The following XPO1 variants were observed in gnomAD, a reference collection of about 807,000 sequenced individuals.
XPO1 encodes exportin 1.
XPO1 carries 5 observed loss-of-function variants against 133.3 expected under a neutral mutation model. That is an observed-to-expected ratio of 0.04 (90% CI 0.02 to 0.08). XPO1 has a LOEUF of 0.08. XPO1 is among the 10% of genes least tolerant of loss of function. The pLI, the probability that XPO1 is intolerant of heterozygous loss-of-function variation, is 1.00. For synonymous variants in XPO1, 419 were observed against 408.2 expected (o/e 1.03, Z -0.32); for missense variants, 506 against 1,267.5 (o/e 0.40, Z 9.12).
At chr2:61,505,610 G>C (rs1019029016) in intron 4 of XPO1, among the ~76,000 whole-genome samples, 1 of 151,848 alleles carries the variant, frequency 6.6e-6, no homozygotes, top group African/African-American at 2.4e-5. Flanking sequence ...CCAGATTGGT[G>C]TGCAGTGGCG....
chr2:61,502,983 T>TTTTTTTTTA (rs1697613251), intron 4 of XPO1, among the ~76,000 whole-genome samples: 2 of 120,894 alleles, frequency 1.7e-5, no homozygotes, highest in African/African-American at 6.2e-5. Context: ...TTTTTTTTTT[T>TTTTTTTTTA]GAGACGGAGT....
At chr2:61,513,703 A>G (rs534934485) in intron 4 of XPO1, among the ~76,000 whole-genome samples, 25 of 152,322 alleles carry the variant, frequency 1.6e-4, no homozygotes, top group Admixed American at 1.4e-3. Context: ...TCAACTATAT[A>G]AAGAAAAAAA....
chr2:61,529,613 G>C (rs543029334), intron 2 of XPO1, among the ~76,000 whole-genome samples: 6 of 149,898 alleles, frequency 4.0e-5, no homozygotes, highest in African/African-American at 9.8e-5. Context: ...AGTGATTTGA[G>C]ATCACACCAC....
rs1195049382 is a variant in XPO1 at position 61,482,034 on chromosome 2, CT to C, written c.2972+345del. On this transcript the variant is annotated intron_variant, in intron 23 of 24. Transcript: ENST00000401558. ...ACAGTCATGAGCCACCGTGCGTGGCCTTTTTTTTTTTTTTTTTTTTTTTGCT... is the reference window on the plus strand; with the variant it reads ...ACAGTCATGAGCCACCGTGCGTGGCCTTTTTTTTTTTTTTTTTTTTTTGCT... Among the ~76,000 whole-genome samples, 100 of 71,374 alleles carry C rather than the reference CT, an allele frequency of 1.4e-3. 1 individual carries two copies. Among genetic ancestry groups the C allele is most frequent in the African/African-American group, 2.3e-3 (47 of 20,414 alleles). 46.8% of individuals were successfully genotyped at this position (71,374 alleles called of 152,430 possible). A position where few individuals can be genotyped will look rare whatever the true frequency, so the allele number is the denominator to read the frequency against.
intron 24 of XPO1, among the ~76,000 whole-genome samples, chr2:61,479,463 A>G (rs925410339): frequency 6.6e-6 from 1 of 151,592 alleles, no homozygotes; most frequent in Non-Finnish European, 1.5e-5. Flanking sequence ...CCCAAAAAAA[A>G]CAAAAAAAAT....
intron 11 of XPO1, chr2:61,494,779 T>C (rs888186848): frequency 6.7e-6 from 1 of 149,202 alleles, no homozygotes; most frequent in East Asian, 1.9e-4. Flanking sequence ...TGTGTATATA[T>C]ATATATACTT....
rs1698906927 is a variant in XPO1, at chr2:61,526,406, C to T, written c.228+14G>A. The T allele has an allele frequency of 6.3e-7, 1 of 1,599,534 alleles. No homozygotes were observed. The highest frequency in any genetic ancestry group is 8.5e-7 in the Non-Finnish European group (1 of 1,176,004). On this transcript the variant is annotated intron_variant, in intron 3 of 24. Coordinates refer to ENST00000401558, the MANE Select transcript of XPO1 (RefSeq NM_003400.4). ...GAAAAGAAATAACAGATTTTAAAAC[C>T]ACCACTTGCTTACTTTCGTATTCAT...
chr2:61,490,207 T>TA (rs1023924914), intron 17 of XPO1, among the ~76,000 whole-genome samples: 1 of 149,464 alleles, frequency 6.7e-6, no homozygotes, highest in African/African-American at 2.5e-5. Context: ...TCATTTATTT[T>TA]TTTTTTTTTG....
At chr2:61,497,053 C>T (rs200894026) in intron 9 of XPO1, 46 bp from the exon 10 acceptor site, 3 of 1,565,536 alleles carry the variant, frequency 1.9e-6, no homozygotes, top group African/African-American at 1.4e-5. Flanking sequence ...TGGCCTGATA[C>T]ACACTTTACT....
chr2:61,494,966 T>C (rs1697173389), intron 11 of XPO1, among the ~76,000 whole-genome samples: 1 of 151,838 alleles, frequency 6.6e-6, no homozygotes, highest in African/African-American at 2.4e-5. Flanking sequence ...TTCAGCCTCC[T>C]GAGGAGCTGG....
At chr2:61,514,680 C>T (rs528329174) in intron 4 of XPO1, among the ~76,000 whole-genome samples, 15 of 151,854 alleles carry the variant, frequency 9.9e-5, no homozygotes, top group African/African-American at 3.6e-4. Context: ...AAAACATTGT[C>T]TATACCAAAT....
At chr2:61,525,954 GA>G (rs1698890657) in intron 3 of XPO1, 1 of 1,055,060 alleles carries the variant, frequency 9.5e-7, no homozygotes, top group Non-Finnish European at 1.1e-6. Flanking sequence ...AAAAGGACCA[GA>G]ATTATAACAT....
intron 19 of XPO1, among the ~76,000 whole-genome samples, chr2:61,486,463 C>G (rs542487518): frequency 6.6e-6 from 1 of 151,602 alleles, no homozygotes; most frequent in African/African-American, 2.4e-5. Flanking sequence ...TCAATACTGT[C>G]TTTTTATTTT....
intron 2 of XPO1, among the ~76,000 whole-genome samples, chr2:61,532,869 T>A (rs970814319): frequency 5.4e-5 from 8 of 148,430 alleles, no homozygotes; most frequent in Non-Finnish European, 8.9e-5. Context: ...ACTGCAAAAC[T>A]TTTTACTCAT....
intron 16 of XPO1, among the ~76,000 whole-genome samples, chr2:61,491,362 G>A (rs993158429): frequency 6.6e-6 from 1 of 150,724 alleles, no homozygotes; most frequent in Non-Finnish European, 1.5e-5. Flanking sequence ...CTGAGGAAGA[G>A]AATCGTTTGA....
At chr2:61,531,231 G>A (rs1699141632) in intron 2 of XPO1, among the ~76,000 whole-genome samples, 1 of 152,122 alleles carries the variant, frequency 6.6e-6, no homozygotes. Context: ...TCTAAATCTT[G>A]TTTCTTCATT....
chr2:61,498,980 A>G, intron 7 of XPO1, 67 bp from the exon 8 acceptor site: 1 of 1,475,012 alleles, frequency 6.8e-7, no homozygotes, highest in East Asian at 2.4e-5. Context: ...GTTATCTATA[A>G]TACTAATAAA....
chr2:61,533,646 C>G, intron 2 of XPO1, 126 bp downstream of exon 2: 2 of 1,165,774 alleles, frequency 1.7e-6, no homozygotes, highest in Non-Finnish European at 2.2e-6. Context: ...ATGGTTAATA[C>G]AGAATTCCAA....
chr2:61,490,855 G>T, intron 16 of XPO1, 79 bp from the exon 17 acceptor site: 1 of 1,539,348 alleles, frequency 6.5e-7, no homozygotes, highest in Non-Finnish European at 8.8e-7. Flanking sequence ...ATTCACAAAC[G>T]TCTTGAAACT....
Sources: allele counts gnomAD v4.1 joint callset (sites outside exome capture counted in the v4.1 genomes callset), GRCh38; gene constraint gnomAD v4.1.1; transcripts MANE v1.5; gene names NCBI Gene and HGNC (gene_info 2026-07-23, HGNC 2026-07-21).